The following KATNB1 variants were observed in gnomAD, a reference collection of about 807,000 sequenced individuals.
KATNB1 encodes the protein katanin regulatory subunit B1, also known as katanin p80 WD40 repeat-containing subunit B1.
In KATNB1, 38 loss-of-function variants were observed where a neutral mutation model predicts 82.3. The observed-to-expected ratio is 0.46, with a 90% confidence interval of 0.36 to 0.61. KATNB1 has a LOEUF of 0.61. KATNB1 is among the 20% of genes least tolerant of loss of function. The pLI, the probability that KATNB1 is intolerant of heterozygous loss-of-function variation, is 0.00. For missense variants in KATNB1, 749 were observed against 915.7 expected, an observed-to-expected ratio of 0.82 and a Z score of 2.35; for synonymous variants, 361 against 368.7, an observed-to-expected ratio of 0.98 and a Z score of 0.24.
In KATNB1 at chr16:57,748,483, AAAG is replaced by A. The variant is rs1303625959; in HGVS notation, c.290-2343_290-2341del. The stretch of plus-strand genomic sequence containing the variant: ...TCTATTTTTTTAAAAAAAAAAAAAA[AAAG>A]GAGAGAGAGAGAGCTGCCTCATATC... On this transcript the variant is annotated intron_variant, in intron 4 of 19. Coordinates refer to ENST00000379661, the MANE Select transcript of KATNB1 (RefSeq NM_005886.3). Among the ~76,000 whole-genome samples the A allele has an allele frequency of 2.5e-3, 371 of 146,412 alleles. 1 individual carries two copies. The highest frequency in any genetic ancestry group is 8.9e-3 in the African/African-American group (355 of 39,898).
In KATNB1 at chr16:57,753,473, G is replaced by A. The variant is rs2049248589; in HGVS notation, c.1131G>A (p.Gln377=). ...RDERESRAEI[Q]NAEDYNEIFQ... is the part of the protein sequence containing the mutation. ...AGCGCGAGTCCCGCGCGGAGATCCA[G>A]AACGCCGAGGACTACAACGAGATCT... is the stretch of plus-strand genomic sequence containing the variant. Residue 377 remains glutamine (Q), a synonymous_variant, in exon 12 of 20, where the codon CAG becomes CAA. Transcript: ENST00000379661. The A allele has an allele frequency of 1.2e-6, 2 of 1,613,258 alleles. No homozygotes were observed. Among genetic ancestry groups the A allele is most frequent in the East Asian group, 4.5e-5 (2 of 44,860 alleles).
At chr16:57,741,957 G>A in intron 3 of KATNB1, 140 bp downstream of exon 3, 2 of 1,024,684 alleles carry the variant, frequency 2.0e-6, no homozygotes, top group Non-Finnish European at 1.4e-6. Flanking sequence ...CAGCTCAGGG[G>A]TGGAGGGGGC....
In KATNB1 at chr16:57,745,289, G is replaced by A. The variant is rs1381130069; in HGVS notation, c.289+778G>A. On this transcript the variant is annotated intron_variant, in intron 4 of 19. Coordinates refer to ENST00000379661, the MANE Select transcript of KATNB1 (RefSeq NM_005886.3). ...AGCACTTTGGGAGGCCAAGGCAGGC[G>A]GATCACCTGAGGTTGGGAGTTCGAG... Among the ~76,000 whole-genome samples the A allele has an allele frequency of 4.0e-5, 6 of 151,118 alleles. No individual in the cohort carries two copies. In the East Asian group the frequency reaches 5.8e-4, roughly 15 times the overall value.
chr16:57,737,220 C>T lies in KATNB1; in HGVS notation c.-24C>T. Reference sequence around the variant, plus strand: ...AGCACAGTTTATTTTGTGGGTGGGGCTTCAGGTGCCAGCCAGCTGAAGGAT... The same window carrying T: ...AGCACAGTTTATTTTGTGGGTGGGGTTTCAGGTGCCAGCCAGCTGAAGGAT... On this transcript the variant is annotated 5_prime_UTR_variant, in exon 2 of 20. Coordinates refer to ENST00000379661, the MANE Select transcript of KATNB1 (RefSeq NM_005886.3). 1 of 1,613,982 alleles carries T rather than the reference C, an allele frequency of 6.2e-7. No homozygotes were observed. The highest frequency in any genetic ancestry group is 2.2e-5 in the East Asian group (1 of 44,884).
chr16:57,753,578 GTCCTTCCAGGGTAGCCTGCTGTGGC>G, intron 12 of KATNB1, 59 bp downstream of exon 12: 4 of 1,596,900 alleles, frequency 2.5e-6, no homozygotes, highest in Non-Finnish European at 2.6e-6. Flanking sequence ...GAGGCTGGGG[GTCCTTCCAGGGTAGCCTGCTGTGGC>G]TCCGCATCCC....
chr16:57,747,147 GC>G (rs1245043266), intron 4 of KATNB1, among the ~76,000 whole-genome samples: 1 of 152,192 alleles, frequency 6.6e-6, no homozygotes, highest in Non-Finnish European at 1.5e-5. Flanking sequence ...CTCCCAAAGT[GC>G]TGGGATTACA....
chr16:57,738,069 C>A (rs1351291610), intron 2 of KATNB1, among the ~76,000 whole-genome samples: 1 of 152,122 alleles, frequency 6.6e-6, no homozygotes, highest in Non-Finnish European at 1.5e-5. Flanking sequence ...TTCTCAGACC[C>A]CCCGAAAGGA....
At position 57,755,112 on chromosome 16, in the gene KATNB1, C is replaced by G. The variant is rs1555585217; in HGVS notation, c.1297-7C>G. On this transcript the variant is annotated splice_polypyrimidine_tract_variant and splice_region_variant and intron_variant, in intron 14 of 19. Coordinates refer to ENST00000379661, the MANE Select transcript of KATNB1 (RefSeq NM_005886.3). ...AGGCCGGCAACCGCTGAGTTTCACA[C>G]TTTCAGCTGGAGGTCCTGCCCCGGC... 1.8e-5 allele frequency: 29 copies of G among 1,613,020 alleles called. No individual in the cohort carries two copies. Among genetic ancestry groups the G allele is most frequent in the Non-Finnish European group, 2.4e-5 (28 of 1,179,868 alleles).
chr16:57,746,936 C>G (rs1202047983), intron 4 of KATNB1, among the ~76,000 whole-genome samples: 1 of 152,172 alleles, frequency 6.6e-6, no homozygotes, highest in African/African-American at 2.4e-5. Context: ...GGCTGGAGTG[C>G]AGTGGTGTAA....
chr16:57,742,362 A>C (rs1262143877), intron 3 of KATNB1, among the ~76,000 whole-genome samples: 2 of 152,272 alleles, frequency 1.3e-5, no homozygotes, highest in Admixed American at 1.3e-4. Context: ...TCCAAATAGG[A>C]GTGCATAAAG....
At position 57,752,198 on chromosome 16, in the gene KATNB1, C is replaced by G; in HGVS notation, c.632+143C>G. ...TGTGTGGACTGAATTGGATTTCAGC[C>G]GAGCCAGGACTGGACCCTGGTCCAT... On this transcript the variant is annotated intron_variant, in intron 8 of 19. Transcript: ENST00000379661. The G allele has an allele frequency of 4.4e-6, 3 of 679,418 alleles. No homozygotes were observed. The South Asian group carries it at 5.1e-5, about 11-fold the overall frequency. The allele number at this position is 679,418 out of a possible 1,614,324, so 42.1% of individuals were successfully genotyped here. A position where few individuals can be genotyped will look rare whatever the true frequency, so the allele number is the denominator to read the frequency against.
intron 4 of KATNB1, among the ~76,000 whole-genome samples, chr16:57,748,432 C>T (rs1231060610): frequency 3.3e-5 from 5 of 150,048 alleles, no homozygotes; most frequent in African/African-American, 1.2e-4. Context: ...TTAAGACTAA[C>T]CTGGGCAACA....
chr16:57,752,925 G>C lies in KATNB1; in HGVS notation c.852G>C (p.Gln284His). The C allele has an allele frequency of 6.2e-7, 1 of 1,603,170 alleles. No individual in the cohort carries two copies. Among genetic ancestry groups the C allele is most frequent in the Non-Finnish European group, 8.5e-7 (1 of 1,179,680 alleles). The change falls in exon 10 of 20, where the codon CAG (glutamine) becomes CAC (histidine). Residue 284 changes from glutamine to histidine, a missense_variant. Gln to His is a conservative substitution (Grantham distance 24, BLOSUM62 0). Around this residue, in one of 3 missense-constraint regions of KATNB1, gnomAD observed 407 missense variants for 434.7 expected, o/e 0.94. Coordinates refer to ENST00000379661, the MANE Select transcript of KATNB1 (RefSeq NM_005886.3). ...CCGACCTGGCCATCTGCAATGACCA[G>C]TTGGTGAGAGAGCCATGGCACCCAC... ...KVADLAICND[Q>H]LIGVAFSQSN...
In KATNB1 at chr16:57,756,009, A is replaced by C; in HGVS notation, c.1661A>C (p.Asp554Ala). 2 of 1,612,696 alleles carry C rather than the reference A, an allele frequency of 1.2e-6. No homozygotes were observed. Among genetic ancestry groups the C allele is most frequent in the Non-Finnish European group, 1.7e-6 (2 of 1,179,996 alleles). The change falls in exon 18 of 20, where the codon GAC becomes GCC. Residue 554 changes from aspartate (D) to alanine (A), a missense_variant. Physicochemically the swap from Asp to Ala is moderately radical, Grantham distance 126. Coordinates refer to ENST00000379661, the MANE Select transcript of KATNB1 (RefSeq NM_005886.3). ...VNQKASLWKL[D>A]LCTTVLPQIE... ...TCTCCTAGCTCCCTGTGGAAGCTGG[A>C]CCTGTGCACCACCGTCCTGCCACAG...
At chr16:57,747,556 C>T (rs1555581747) in intron 4 of KATNB1, among the ~76,000 whole-genome samples, 1 of 152,252 alleles carries the variant, frequency 6.6e-6, no homozygotes, top group African/African-American at 2.4e-5. Context: ...TGATAACAAA[C>T]AGGACTGCAG....
chr16:57,755,757 T>C (rs1597831765), intron 16 of KATNB1, 84 bp from the exon 17 acceptor site: 1 of 1,313,776 alleles, frequency 7.6e-7, no homozygotes, highest in East Asian at 2.4e-5. Flanking sequence ...CACACCCACA[T>C]TCACGTTCGT....
rs782500454 is a variant in KATNB1, at chr16:57,750,817, T to G, written c.290-10T>G. 6.2e-7 allele frequency: 1 copy of G among 1,612,124 alleles called. No individual in the cohort carries two copies. The highest frequency in any genetic ancestry group is 1.3e-5 in the African/African-American group (1 of 74,910). The stretch of plus-strand genomic sequence containing the variant: ...CTCTTAGCCACTGTCTCTGCTTTCC[T>G]TCTTGTTAGTTCTTCGCACACTCAT... On this transcript the variant is annotated splice_polypyrimidine_tract_variant and intron_variant, in intron 4 of 19. Coordinates refer to ENST00000379661, the MANE Select transcript of KATNB1 (RefSeq NM_005886.3).
At chr16:57,752,721 G>T in intron 9 of KATNB1, 57 bp from the exon 10 acceptor site, 2 of 1,584,192 alleles carry the variant, frequency 1.3e-6, no homozygotes, top group Middle Eastern at 1.8e-4. Context: ...TGGATTCCTC[G>T]GGGTGGGGAC....
chr16:57,751,535 G>A lies in KATNB1; in HGVS notation c.433-106G>A. On this transcript the variant is annotated intron_variant, in intron 6 of 19. Transcript: ENST00000379661. The surrounding 1 kb of genome is among the most constrained non-coding windows in gnomAD (Gnocchi z 6.3). ...AACTGCTCCAAGCAGAACCAGGCGG[G>A]TAACCAGTGTTGTTAGATGGAAGGG... 1 of 1,129,288 alleles carries A rather than the reference G, an allele frequency of 8.9e-7. No homozygotes were observed. Among genetic ancestry groups the A allele is most frequent in the Non-Finnish European group, 1.3e-6 (1 of 752,374 alleles). The allele number at this position is 1,129,288 out of a possible 1,614,324, so 70.0% of individuals were successfully genotyped here. A position where few individuals can be genotyped will look rare whatever the true frequency, so the allele number is the denominator to read the frequency against.
Sources: allele counts gnomAD v4.1 joint callset (sites outside exome capture counted in the v4.1 genomes callset), GRCh38; gene constraint gnomAD v4.1.1; regional missense constraint gnomAD v4.1.1; non-coding constraint Gnocchi (gnomAD v3.1); transcripts MANE v1.5; gene names NCBI Gene and HGNC (gene_info 2026-07-23, HGNC 2026-07-21).